Variants in PRR20G observed in about 807,000 individuals in gnomAD.
The protein encoded by PRR20G is proline-rich protein 20G.
chr3:127,285,243 A>G (rs2080381554), intron 2 of PRR20G, among the ~76,000 whole-genome samples: 1 of 152,242 alleles, frequency 6.6e-6, no homozygotes, highest in South Asian at 2.1e-4. Flanking sequence ...CTTAACATGT[A>G]TTGGGAAGGA....
chr3:127,287,423 A>T (rs1029892320), intron 1 of PRR20G, among the ~76,000 whole-genome samples, 51 bp from the exon 2 acceptor site: 6 of 152,162 alleles, frequency 3.9e-5, no homozygotes, highest in Non-Finnish European at 8.8e-5. Flanking sequence ...ATTAAACCAC[A>T]GCCTAATTTC....
chr3:127,286,418 G>C (rs1365914975), intron 2 of PRR20G, among the ~76,000 whole-genome samples: 1 of 152,162 alleles, frequency 6.6e-6, no homozygotes, highest in East Asian at 1.9e-4. Context: ...TCCCTTCAAG[G>C]CATGCTTTCT....
intron 2 of PRR20G, among the ~76,000 whole-genome samples, chr3:127,285,924 T>C (rs1038298858): frequency 2.0e-5 from 3 of 152,198 alleles, no homozygotes; most frequent in African/African-American, 7.2e-5. Context: ...GAATCAATTA[T>C]AGGGTACTTT....
chr3:127,285,524 G>T (rs796069386), intron 2 of PRR20G, among the ~76,000 whole-genome samples: 2 of 152,152 alleles, frequency 1.3e-5, no homozygotes, highest in Admixed American at 6.5e-5. Flanking sequence ...CTAGACAAAC[G>T]TCTACAGAAA....
chr3:127,288,003 G>GA lies in PRR20G; in HGVS notation c.-133dup, dbSNP rs1412813900. On this transcript the variant is annotated 5_prime_UTR_variant, in exon 1 of 3. Transcript: ENST00000465482. ...CGCCCCCTACCAGGCAGGTAGGAGG[G>GA]AGCACCCAGCAGTCCTAGTTCGGAG... 6.6e-6 allele frequency among the ~76,000 whole-genome samples: 1 copy of GA among 152,130 alleles called. No homozygotes were observed. The highest frequency in any genetic ancestry group is 2.4e-5 in the African/African-American group (1 of 41,424).
intron 2 of PRR20G, among the ~76,000 whole-genome samples, chr3:127,285,416 G>A (rs2080382334): frequency 6.6e-6 from 1 of 151,968 alleles, no homozygotes. Flanking sequence ...CTTCCAGGAG[G>A]AAAAAAGCCT....
chr3:127,286,225 A>G (rs992338172), intron 2 of PRR20G, among the ~76,000 whole-genome samples: 19 of 152,226 alleles, frequency 1.2e-4, no homozygotes, highest in African/African-American at 3.6e-4. Flanking sequence ...GGAAAGGGTC[A>G]GGATTCAACA....
chr3:127,285,766 C>A (rs575994279), intron 2 of PRR20G, among the ~76,000 whole-genome samples: 4 of 152,242 alleles, frequency 2.6e-5, no homozygotes, highest in African/African-American at 9.6e-5. Context: ...CAGATATCAC[C>A]AAACATCAGA....
chr3:127,284,581 C>A lies in PRR20G; in HGVS notation c.112G>T (p.Asp38Tyr). ...CSGVDREDPVDPVQPAKPTAY... is the reference protein window; with the variant it reads ...CSGVDREDPVYPVQPAKPTAY... Reference sequence around the variant, plus strand: ...GTGGGTTTTGCCGGTTGGACTGGGTCTACAGGGTCTTCACGGTCCACACCA... The same window carrying A: ...GTGGGTTTTGCCGGTTGGACTGGGTATACAGGGTCTTCACGGTCCACACCA... The change falls in exon 3 of 3, where the codon GAC (aspartate) becomes TAC (tyrosine). Residue 38 changes from aspartate (D) to tyrosine (Y), a missense_variant. Coordinates refer to ENST00000465482, the MANE Select transcript of PRR20G (RefSeq NM_001362810.2). 1 of 157,382 alleles carries A rather than the reference C, an allele frequency of 6.4e-6. No individual in the cohort carries two copies. Among genetic ancestry groups the A allele is most frequent in the South Asian group, 1.7e-4 (1 of 5,784 alleles). The allele number at this position is 157,382 out of a possible 1,614,324, so 9.7% of individuals were successfully genotyped here.
chr3:127,285,555 G>A (rs1332602638), intron 2 of PRR20G, among the ~76,000 whole-genome samples: 2 of 152,184 alleles, frequency 1.3e-5, no homozygotes, highest in African/African-American at 4.8e-5. Context: ...GACAGAGTAG[G>A]CATTGAAGAT....
Position 127,284,249 on chromosome 3 carries a change from A to C in PRR20G, c.444T>G (p.Pro148=), listed in dbSNP as rs1344884608. The C allele has an allele frequency of 6.6e-6, 1 of 152,302 alleles. No homozygotes were observed. Among genetic ancestry groups the C allele is most frequent in the East Asian group, 1.9e-4 (1 of 5,182 alleles). The allele number at this position is 152,302 out of a possible 1,614,324, so 9.4% of individuals were successfully genotyped here. Residue 148 remains proline, a synonymous_variant, in exon 3 of 3, where the codon CCT becomes CCG. Transcript: ENST00000465482. ...GAGGTGGCTCCTGAAGCCCCACCTCAGGCTGGGCTGCATGGGGGCCGGGGC... is the reference window on the plus strand; with the variant it reads ...GAGGTGGCTCCTGAAGCCCCACCTCCGGCTGGGCTGCATGGGGGCCGGGGC... ...QEGPGPHAAQ[P]EVGLQEPPPA...
At chr3:127,285,931 C>A (rs1298274974) in intron 2 of PRR20G, among the ~76,000 whole-genome samples, 1 of 152,018 alleles carries the variant, frequency 6.6e-6, no homozygotes, top group Non-Finnish European at 1.5e-5. Flanking sequence ...TTATAGGGTA[C>A]TTTTGAAAAG....
At chr3:127,287,762 C>T (rs1420221891) in intron 1 of PRR20G, among the ~76,000 whole-genome samples, 117 bp downstream of exon 1, 15 of 152,120 alleles carry the variant, frequency 9.9e-5, no homozygotes, top group Non-Finnish European at 1.6e-4. Context: ...AACAGAGTTG[C>T]GAAGAAGACA....
At chr3:127,286,159 G>A (rs564981459) in intron 2 of PRR20G, among the ~76,000 whole-genome samples, 6 of 152,216 alleles carry the variant, frequency 3.9e-5, no homozygotes, top group South Asian at 2.1e-4. Flanking sequence ...TGGTGACAAC[G>A]AAAGATCTTA....
intron 2 of PRR20G, among the ~76,000 whole-genome samples, chr3:127,285,657 C>T (rs2080383604): frequency 6.6e-6 from 1 of 152,166 alleles, no homozygotes; most frequent in African/African-American, 2.4e-5. Flanking sequence ...ATAGCCCAAC[C>T]ATATCTATTC....
intron 2 of PRR20G, among the ~76,000 whole-genome samples, chr3:127,286,477 T>A (rs1357388029): frequency 1.3e-5 from 2 of 152,198 alleles, no homozygotes. Flanking sequence ...TAGGACAGTG[T>A]ATGAAGGGAA....
rs945351495 is a variant in PRR20G at position 127,284,165 on chromosome 3, G to A, written c.528C>T (p.Leu176=). 2.0e-5 allele frequency: 3 copies of A among 152,522 alleles called. No individual in the cohort carries two copies. The highest frequency in any genetic ancestry group is 7.2e-5 in the African/African-American group (3 of 41,454). 9.4% of individuals were successfully genotyped at this position (152,522 alleles called of 1,614,324 possible). Residue 176 remains leucine, a synonymous_variant, in exon 3 of 3, where the codon CTC becomes CTT. Coordinates refer to ENST00000465482, the MANE Select transcript of PRR20G (RefSeq NM_001362810.2). ...RQTMLAPSPS[L]SFRPPGGSST... ...ATGAGCCACCCGGAGGCCTGAAACTGAGGGAGGGAGAGGGGGCCAACATGG... is the reference window on the plus strand; with the variant it reads ...ATGAGCCACCCGGAGGCCTGAAACTAAGGGAGGGAGAGGGGGCCAACATGG...
In PRR20G at chr3:127,287,886, C is replaced by G. The variant is rs1277053498; in HGVS notation, c.-15G>C. 6.6e-6 allele frequency among the ~76,000 whole-genome samples: 1 copy of G among 152,178 alleles called. No individual in the cohort carries two copies. The highest frequency in any genetic ancestry group is 1.5e-5 in the Non-Finnish European group (1 of 68,038). ...GGACACCCAGACACACACCTGATCTCCCTGCAGCTGGCTCTCTTCTATGGG... is the reference window on the plus strand; with the variant it reads ...GGACACCCAGACACACACCTGATCTGCCTGCAGCTGGCTCTCTTCTATGGG... On this transcript the variant is annotated 5_prime_UTR_variant, in exon 1 of 3. Coordinates refer to ENST00000465482, the MANE Select transcript of PRR20G (RefSeq NM_001362810.2).
chr3:127,286,971 G>GA (rs1400801020), intron 2 of PRR20G, among the ~76,000 whole-genome samples: 1 of 152,142 alleles, frequency 6.6e-6, no homozygotes, highest in East Asian at 1.9e-4. Flanking sequence ...GAGGGTGTGG[G>GA]CCCTGGGATG....
Sources: gnomAD v4.1 joint callset for allele counts (sites outside exome capture counted in the v4.1 genomes callset) on GRCh38, gnomAD v4.1.1 for gene constraint, MANE v1.5 for transcripts, NCBI Gene and HGNC (gene_info 2026-07-23, HGNC 2026-07-21) for gene names.